BTBD7: variants seen among roughly 807,000 people sequenced by gnomAD.
BTBD7 encodes the protein BTB domain containing 7, also known as BTB/POZ domain-containing protein 7.
Under a neutral mutation model 99.9 loss-of-function variants are expected in BTBD7, and 38 were observed. The ratio of observed to expected loss-of-function variants is 0.38; its 90% CI spans 0.29 to 0.50. BTBD7 has a LOEUF of 0.50. Ranked by LOEUF, BTBD7 falls within the 20% of genes least tolerant of loss-of-function variation. The pLI, the probability that BTBD7 is intolerant of heterozygous loss-of-function variation, is 0.93. For missense variants in BTBD7, 1,170 were observed against 1,394.6 expected (o/e 0.84, Z 2.57); for synonymous variants, 520 against 511.4 (o/e 1.02, Z -0.23).
In BTBD7 at chr14:93,239,012, G is replaced by A. The variant is rs917076944; in HGVS notation, c.*3261C>T. ...GCCTCAAAGCCTAACGGGTTATTGC[G>A]GTGTCAGGCTAGCTGAGGTCTAGTG... On this transcript the variant is annotated 3_prime_UTR_variant, in exon 11 of 11. Transcript: ENST00000334746. 4 of 152,188 alleles carry A rather than the reference G, an allele frequency of 2.6e-5. No individual in the cohort carries two copies. The highest frequency in any genetic ancestry group is 2.1e-4 in the South Asian group (1 of 4,830). 9.4% of individuals were successfully genotyped at this position (152,188 alleles called of 1,614,324 possible).
intron 1 of BTBD7, among the ~76,000 whole-genome samples, chr14:93,320,049 A>G (rs1191895446): frequency 6.6e-6 from 1 of 152,208 alleles, no homozygotes; most frequent in Non-Finnish European, 1.5e-5. Context: ...AGGAAACTGA[A>G]CTGCAAGTGA....
At position 93,239,382 on chromosome 14, in the gene BTBD7, C is replaced by G. The variant is rs943012874; in HGVS notation, c.*2891G>C. 1 of 152,166 alleles carries G rather than the reference C, an allele frequency of 6.6e-6. No homozygotes were observed. Among genetic ancestry groups the G allele is most frequent in the African/African-American group, 2.4e-5 (1 of 41,314 alleles). 9.4% of individuals were successfully genotyped at this position (152,166 alleles called of 1,614,324 possible). A position where few individuals can be genotyped will look rare whatever the true frequency, so the allele number is the denominator to read the frequency against. On this transcript the variant is annotated 3_prime_UTR_variant, in exon 11 of 11. Transcript: ENST00000334746. ...TCTGGTATTTTTGTGATTTGGTTCTCATTAAATTCCTATACCAAGTAAAAT... is the reference window on the plus strand; with the variant it reads ...TCTGGTATTTTTGTGATTTGGTTCTGATTAAATTCCTATACCAAGTAAAAT...
In BTBD7 at chr14:93,300,788, T is replaced by TA. The variant is rs1555392129; in HGVS notation, c.-106-4632_-106-4631insT. 1.5e-4 allele frequency among the ~76,000 whole-genome samples: 19 copies of TA among 125,846 alleles called. 1 individual carries two copies. Among genetic ancestry groups the TA allele is most frequent in the East Asian group, 1.3e-3 (5 of 3,960 alleles). The allele number at this position is 125,846 out of a possible 152,430, so 82.6% of individuals were successfully genotyped here. ...TGTGTGTGTGTATATATATATATAT[T>TA]TTTTTTTTGTAGAGATAGGGTTTTG... On this transcript the variant is annotated intron_variant, in intron 1 of 10. Coordinates refer to ENST00000334746, the MANE Select transcript of BTBD7 (RefSeq NM_001002860.4).
At chr14:93,273,339 G>C (rs1192250089) in intron 3 of BTBD7, among the ~76,000 whole-genome samples, 1 of 152,214 alleles carries the variant, frequency 6.6e-6, no homozygotes, top group South Asian at 2.1e-4. Flanking sequence ...AGAATGACAG[G>C]CTCAGGTTAG....
chr14:93,273,064 G>A (rs1441937120), intron 3 of BTBD7, among the ~76,000 whole-genome samples: 3 of 152,142 alleles, frequency 2.0e-5, no homozygotes, highest in Non-Finnish European at 4.4e-5. Flanking sequence ...TAGAAAACAA[G>A]GTTCTTGAAT....
chr14:93,288,694 G>T, intron 3 of BTBD7: 1 of 1,604,378 alleles, frequency 6.2e-7, no homozygotes, highest in Non-Finnish European at 8.5e-7. Context: ...CAGGCCTGAT[G>T]ACTGTAGTCT....
chr14:93,277,198 G>A (rs112591731), intron 3 of BTBD7, among the ~76,000 whole-genome samples: 8,936 of 152,122 alleles, frequency 0.059, 355 homozygotes, highest in Middle Eastern at 0.12. Context: ...CACTGTGCCC[G>A]GCTCAGGTTA....
chr14:93,267,460 G>C (rs1377325550), intron 3 of BTBD7, among the ~76,000 whole-genome samples: 1 of 152,202 alleles, frequency 6.6e-6, no homozygotes, highest in African/African-American at 2.4e-5. Flanking sequence ...TGCTCAAACA[G>C]TCTGGAGTAC....
intron 3 of BTBD7, among the ~76,000 whole-genome samples, chr14:93,293,323 A>G (rs946106534): frequency 6.6e-6 from 1 of 152,264 alleles, no homozygotes; most frequent in Non-Finnish European, 1.5e-5. Flanking sequence ...TACACGCTGT[A>G]GGCTGTGGCT....
At position 93,309,946 on chromosome 14, in the gene BTBD7, C is replaced by T. The variant is rs572717867; in HGVS notation, c.-106-13789G>A. ...CTACCCATTGCCAAGTTTCAACCAACATTTACCAATTGGCAGGTGTTTTTT... is the reference window on the plus strand; with the variant it reads ...CTACCCATTGCCAAGTTTCAACCAATATTTACCAATTGGCAGGTGTTTTTT... On this transcript the variant is annotated intron_variant, in intron 1 of 10. Coordinates refer to ENST00000334746, the MANE Select transcript of BTBD7 (RefSeq NM_001002860.4). 2.0e-5 allele frequency among the ~76,000 whole-genome samples: 3 copies of T among 149,472 alleles called. No individual in the cohort carries two copies. The East Asian group carries it at 5.9e-4, about 29-fold the overall frequency.
At chr14:93,264,457 A>C (rs1267050130) in intron 3 of BTBD7, among the ~76,000 whole-genome samples, 2 of 152,334 alleles carry the variant, frequency 1.3e-5, no homozygotes, top group East Asian at 3.9e-4. Flanking sequence ...ATGAAAACAT[A>C]GCACCTTGCA....
At chr14:93,252,989 A>ACT (rs2052386040) in intron 7 of BTBD7, among the ~76,000 whole-genome samples, 1 of 151,936 alleles carries the variant, frequency 6.6e-6, no homozygotes, top group Non-Finnish European at 1.5e-5. Flanking sequence ...CAACTGGCTA[A>ACT]ATTTTTCCTT....
At chr14:93,304,130 A>G (rs757502356) in intron 1 of BTBD7, among the ~76,000 whole-genome samples, 7 of 152,208 alleles carry the variant, frequency 4.6e-5, no homozygotes, top group African/African-American at 7.2e-5. Flanking sequence ...AACTTGCCCA[A>G]TCAACTCTCA....
At chr14:93,254,288 C>A in intron 6 of BTBD7, among the ~76,000 whole-genome samples, 1 of 152,214 alleles carries the variant, frequency 6.6e-6, no homozygotes, top group African/African-American at 2.4e-5. Flanking sequence ...AAAAAGATAC[C>A]ATAATTTCCC....
intron 1 of BTBD7, among the ~76,000 whole-genome samples, chr14:93,325,083 A>C (rs2053313387): frequency 6.6e-6 from 1 of 151,304 alleles, no homozygotes; most frequent in Non-Finnish European, 1.5e-5. Flanking sequence ...AAGGTATTTT[A>C]AGTAGAGAAG....
intron 1 of BTBD7, among the ~76,000 whole-genome samples, chr14:93,324,949 AAC>A (rs2139830092): frequency 6.6e-6 from 1 of 152,270 alleles, no homozygotes; most frequent in East Asian, 1.9e-4. Flanking sequence ...CAATGGGATA[AAC>A]ACACACAAGA....
chr14:93,323,621 C>T (rs1431280760), intron 1 of BTBD7, among the ~76,000 whole-genome samples: 1 of 152,172 alleles, frequency 6.6e-6, no homozygotes, highest in Non-Finnish European at 1.5e-5. Context: ...ACAATTGAAT[C>T]CCAGATGAAA....
intron 9 of BTBD7, among the ~76,000 whole-genome samples, chr14:93,247,495 G>A (rs897196554): frequency 1.3e-5 from 2 of 152,110 alleles, no homozygotes; most frequent in Non-Finnish European, 2.9e-5. Flanking sequence ...ACAGGCCCAC[G>A]CCACCACACC....
intron 3 of BTBD7, among the ~76,000 whole-genome samples, chr14:93,280,838 T>C (rs968761368): frequency 6.7e-6 from 1 of 149,698 alleles, no homozygotes; most frequent in East Asian, 2.0e-4. Context: ...GTATTATTTA[T>C]AAAAAGGCAC....
Sources: allele counts gnomAD v4.1 joint callset (sites outside exome capture counted in the v4.1 genomes callset), GRCh38; gene constraint gnomAD v4.1.1; transcripts MANE v1.5; gene names NCBI Gene and HGNC (gene_info 2026-07-23, HGNC 2026-07-21).